LGR4: variants seen among roughly 807,000 people sequenced by gnomAD.
The protein encoded by LGR4 is leucine-rich repeat-containing G protein-coupled receptor 4.
A neutral mutation model predicts 84.8 loss-of-function variants in LGR4; 44 were observed. That is an observed-to-expected ratio of 0.52 (90% CI 0.41 to 0.67). The LOEUF is 0.67. Among genes scored for constraint, LGR4 ranks in the 30% least tolerant of loss-of-function variants. The probability of loss-of-function intolerance (pLI) is 0.00; values close to 1 mark genes in which losing one functional copy is unlikely to be tolerated. For missense variants in LGR4, 1,032 were observed against 1,131.4 expected (o/e 0.91, Z 1.26); for synonymous variants, 429 against 434.3 (o/e 0.99, Z 0.15).
chr11:27,464,900 A>C (rs1476719336), intron 1 of LGR4, among the ~76,000 whole-genome samples: 2 of 152,200 alleles, frequency 1.3e-5, no homozygotes, highest in African/African-American at 4.8e-5. Flanking sequence ...TGAAAAAAAA[A>C]ACCTGCATTC....
chr11:27,422,271 T>C (rs1473567434), intron 1 of LGR4, among the ~76,000 whole-genome samples: 3 of 152,272 alleles, frequency 2.0e-5, no homozygotes, highest in Non-Finnish European at 1.5e-5. Flanking sequence ...ATTAACTAAA[T>C]GGGTTATGTT....
chr11:27,396,521 T>G (rs1774373861), intron 2 of LGR4, among the ~76,000 whole-genome samples: 1 of 151,976 alleles, frequency 6.6e-6, no homozygotes, highest in Admixed American at 6.6e-5. Context: ...TCTCTGTTGT[T>G]TGTTTTTTAT....
intron 3 of LGR4, among the ~76,000 whole-genome samples, chr11:27,391,540 C>T (rs988898447): frequency 3.3e-5 from 5 of 151,976 alleles, no homozygotes; most frequent in African/African-American, 1.2e-4. Context: ...TAAGCAAATC[C>T]GTTGGAATTC....
chr11:27,446,478 C>T (rs1262471445), intron 1 of LGR4, among the ~76,000 whole-genome samples: 6 of 152,132 alleles, frequency 3.9e-5, no homozygotes, highest in African/African-American at 1.4e-4. Context: ...ATCAAAACCA[C>T]AATGAGATAC....
chr11:27,423,664 T>C (rs954878601), intron 1 of LGR4, among the ~76,000 whole-genome samples: 28 of 152,240 alleles, frequency 1.8e-4, no homozygotes, highest in Admixed American at 1.6e-3. Flanking sequence ...AAATCACTAA[T>C]GATTTATTCA....
At chr11:27,437,511 T>C (rs944684035) in intron 1 of LGR4, among the ~76,000 whole-genome samples, 1 of 152,186 alleles carries the variant, frequency 6.6e-6, no homozygotes, top group African/African-American at 2.4e-5. Flanking sequence ...GGAGTGACTA[T>C]TTTTATTGCA....
chr11:27,456,926 A>G (rs1214824052), intron 1 of LGR4, among the ~76,000 whole-genome samples: 1 of 152,178 alleles, frequency 6.6e-6, no homozygotes, highest in Non-Finnish European at 1.5e-5. Flanking sequence ...CTTTTTGGGT[A>G]CACATTTTTT....
At chr11:27,469,583 G>T in intron 1 of LGR4, among the ~76,000 whole-genome samples, 1 of 152,208 alleles carries the variant, frequency 6.6e-6, no homozygotes. Context: ...CCCCAGGGAA[G>T]GTGAAAGCAC....
chr11:27,400,906 C>T (rs16916969), intron 2 of LGR4, among the ~76,000 whole-genome samples: 4,722 of 152,258 alleles, frequency 0.031, 270 homozygotes, highest in African/African-American at 0.11. Flanking sequence ...AGTTCTGCTT[C>T]GACACTGTTG....
At chr11:27,463,155 G>A (rs992070410) in intron 1 of LGR4, among the ~76,000 whole-genome samples, 1 of 151,826 alleles carries the variant, frequency 6.6e-6, no homozygotes, top group East Asian at 1.9e-4. Context: ...CGGAGACTGA[G>A]GTACGAGGAT....
Position 27,472,583 on chromosome 11 carries a change from C to T in LGR4, c.-281G>A, listed in dbSNP as rs1590423490. On this transcript the variant is annotated 5_prime_UTR_variant, in exon 1 of 18. Transcript: ENST00000379214. ...GGCCGGCCCGGCGCAGCGGCGGGGG[C>T]CGCGCTCTGCCATCGCACCGGTCTC... The T allele has an allele frequency of 8.0e-6, 3 of 375,674 alleles. No homozygotes were observed. The highest frequency in any genetic ancestry group is 7.7e-5 in the East Asian group (2 of 26,026). 23.3% of individuals were successfully genotyped at this position (375,674 alleles called of 1,614,324 possible). A position where few individuals can be genotyped will look rare whatever the true frequency, so the allele number is the denominator to read the frequency against.
At chr11:27,419,181 A>G (rs1325005980) in intron 1 of LGR4, among the ~76,000 whole-genome samples, 7 of 152,202 alleles carry the variant, frequency 4.6e-5, no homozygotes, top group Admixed American at 4.6e-4. Context: ...CATATAAAGA[A>G]TTTATATTAC....
chr11:27,382,781 G>A (rs1192749522), intron 6 of LGR4, among the ~76,000 whole-genome samples: 1 of 152,150 alleles, frequency 6.6e-6, no homozygotes, highest in Non-Finnish European at 1.5e-5. Flanking sequence ...CACTTTGGGA[G>A]GCTGAGGCGG....
chr11:27,402,173 T>C (rs1231324801), intron 2 of LGR4, among the ~76,000 whole-genome samples: 8 of 152,204 alleles, frequency 5.3e-5, no homozygotes, highest in African/African-American at 1.9e-4. Flanking sequence ...CAACTGGCCT[T>C]AACCCTTCCT....
chr11:27,382,208 G>C lies in LGR4; in HGVS notation c.738C>G (p.Ala246=). The part of the protein sequence containing the change: ...NLGEFPQAIK[A]LPSLKELGFH... ...CTCACAGCTCTTTAAGGCTAGGAAG[G>C]GCTTTAATAGCCTGAGGAAATTCCC... The change falls in exon 7 of 18, where the codon GCC becomes GCG. Residue 246 remains alanine (A), a synonymous_variant. Coordinates refer to ENST00000379214, the MANE Select transcript of LGR4 (RefSeq NM_018490.5). 1 of 1,609,140 alleles carries C rather than the reference G, an allele frequency of 6.2e-7. No individual in the cohort carries two copies. The highest frequency in any genetic ancestry group is 1.3e-5 in the African/African-American group (1 of 74,898).
In LGR4 at chr11:27,392,524, GAAAAAA is replaced by G; in HGVS notation, c.258-12_258-7del. The G allele has an allele frequency of 8.0e-7, 1 of 1,246,300 alleles. No individual in the cohort carries two copies. The highest frequency in any genetic ancestry group is 1.7e-5 in the South Asian group (1 of 60,576). The allele number at this position is 1,246,300 out of a possible 1,614,324, so 77.2% of individuals were successfully genotyped here. Reference sequence around the variant, plus strand: ...GGTCGTTGCCCGCCAATTGTCTAGAGAAAAAAAAAAAAAAAGTAGCAAGAAAAAAAT... The same window carrying G: ...GGTCGTTGCCCGCCAATTGTCTAGAGAAAAAAAAAGTAGCAAGAAAAAAAT... On this transcript the variant is annotated splice_region_variant and splice_polypyrimidine_tract_variant and intron_variant, in intron 2 of 17. Coordinates refer to ENST00000379214, the MANE Select transcript of LGR4 (RefSeq NM_018490.5).
chr11:27,398,894 T>C (rs1341634479), intron 2 of LGR4, among the ~76,000 whole-genome samples: 1 of 152,120 alleles, frequency 6.6e-6, no homozygotes, highest in Non-Finnish European at 1.5e-5. Flanking sequence ...CTCCTCTTCC[T>C]CTTTCTCTCT....
At chr11:27,462,331 TCA>T (rs1864698787) in intron 1 of LGR4, among the ~76,000 whole-genome samples, 1 of 152,126 alleles carries the variant, frequency 6.6e-6, no homozygotes, top group Non-Finnish European at 1.5e-5. Context: ...CAGCAACAAG[TCA>T]CAGAGACCCA....
chr11:27,393,956 G>C (rs1435199910), intron 2 of LGR4, among the ~76,000 whole-genome samples: 5 of 93,392 alleles, frequency 5.4e-5, no homozygotes, highest in African/African-American at 1.2e-4. Flanking sequence ...GGGGGGGGGC[G>C]CGGGAAGGGG....
Sources: allele counts gnomAD v4.1 joint callset (sites outside exome capture counted in the v4.1 genomes callset), GRCh38; gene constraint gnomAD v4.1.1; transcripts MANE v1.5; gene names NCBI Gene and HGNC (gene_info 2026-07-23, HGNC 2026-07-21).